DNAH14: variants seen among roughly 807,000 people sequenced by gnomAD.
DNAH14 encodes axonemal beta dynein heavy chain 14.
In DNAH14, 478 loss-of-function variants were observed where a neutral mutation model predicts 520.9. That is an observed-to-expected ratio of 0.92 (90% confidence interval 0.85 to 0.99). The LOEUF is 0.99. DNAH14 is among the 50% of genes least tolerant of loss of function. The pLI is 0.00. For synonymous variants in DNAH14, 1,581 were observed against 1,757.2 expected, an observed-to-expected ratio of 0.90 and a Z score of 2.51; for missense variants, 4,831 against 5,234.5, an observed-to-expected ratio of 0.92 and a Z score of 2.38.
intron 8 of DNAH14, among the ~76,000 whole-genome samples, chr1:224,977,176 A>T (rs1305845565): frequency 6.6e-6 from 1 of 152,192 alleles, no homozygotes; most frequent in African/African-American, 2.4e-5. Context: ...GGATGAGTTC[A>T]TGTCCTTTGT....
Position 225,050,237 on chromosome 1 carries a change from C to G in DNAH14, c.1940C>G (p.Pro647Arg). The change falls in exon 16 of 86, where the codon CCC becomes CGC. Residue 647 changes from proline to arginine, a missense_variant. Pro to Arg is a moderately radical substitution (Grantham distance 103). Transcript: ENST00000682510. Reference protein sequence around the residue: ...ITTITPLCQDPQLSIFIDLVS... With the variant: ...ITTITPLCQDRQLSIFIDLVS... ...ACAATTACTCCTCTTTGCCAAGATC[C>G]CCAGCTGTCTATCTTCATTGATTTG... 6.5e-7 allele frequency: 1 copy of G among 1,543,184 alleles called. No homozygotes were observed. The highest frequency in any genetic ancestry group is 1.2e-5 in the South Asian group (1 of 80,966).
At chr1:225,195,584 C>T (rs1216081067) in intron 38 of DNAH14, among the ~76,000 whole-genome samples, 3 of 150,970 alleles carry the variant, frequency 2.0e-5, no homozygotes, top group African/African-American at 7.3e-5. Context: ...AATCTGTATA[C>T]CAAACCCCCG....
intron 41 of DNAH14, among the ~76,000 whole-genome samples, chr1:225,224,213 A>C (rs932686591): frequency 6.6e-6 from 1 of 151,626 alleles, no homozygotes; most frequent in Non-Finnish European, 1.5e-5. Flanking sequence ...ACAGCCCTAG[A>C]CTCTCCCACA....
chr1:224,980,921 A>G (rs2062220697), intron 8 of DNAH14, among the ~76,000 whole-genome samples: 2 of 152,208 alleles, frequency 1.3e-5, no homozygotes, highest in Non-Finnish European at 2.9e-5. Context: ...GCAAACCACC[A>G]TGGCACGTGT....
chr1:225,327,052 G>T (rs1421209786), intron 64 of DNAH14, among the ~76,000 whole-genome samples: 2 of 152,028 alleles, frequency 1.3e-5, no homozygotes, highest in Non-Finnish European at 2.9e-5. Flanking sequence ...TATTCTCCAG[G>T]GTAGACCATA....
intron 8 of DNAH14, among the ~76,000 whole-genome samples, chr1:224,977,811 C>G (rs887883380): frequency 1.2e-4 from 19 of 152,038 alleles, no homozygotes; most frequent in Admixed American, 7.2e-4. Flanking sequence ...AAAGGGGACT[C>G]AAACAACAGT....
At chr1:224,932,875 C>CT (rs1401816205) in intron 1 of DNAH14, among the ~76,000 whole-genome samples, 1 of 152,072 alleles carries the variant, frequency 6.6e-6, no homozygotes, top group East Asian at 1.9e-4. Flanking sequence ...ATGCCTCCAA[C>CT]TTTGTTCTTT....
chr1:225,264,337 T>C, intron 47 of DNAH14, 76 bp downstream of exon 47: 2 of 1,128,750 alleles, frequency 1.8e-6, no homozygotes, highest in Non-Finnish European at 2.5e-6. Flanking sequence ...ATTTCTTACA[T>C]TCATGGATCT....
chr1:225,289,524 AAAAAGG>A (rs1172634998), intron 54 of DNAH14, among the ~76,000 whole-genome samples: 2 of 152,166 alleles, frequency 1.3e-5, no homozygotes, highest in African/African-American at 4.8e-5. Context: ...TGCTCAAAAT[AAAAAGG>A]AAAAGATCTA....
intron 69 of DNAH14, among the ~76,000 whole-genome samples, chr1:225,342,030 G>T (rs2095193535): frequency 6.6e-6 from 1 of 151,966 alleles, no homozygotes; most frequent in South Asian, 2.1e-4. Flanking sequence ...CCGCACATCG[G>T]GCCCTGGCTT....
rs2094944560 is a variant in DNAH14, at chr1:225,335,430, T to C, written c.10081-1836T>C. Among the ~76,000 whole-genome samples the C allele has an allele frequency of 1.5e-5, 2 of 135,644 alleles. 1 individual carries two copies. Among genetic ancestry groups the C allele is most frequent in the Non-Finnish European group, 3.1e-5 (2 of 64,680 alleles). 89.0% of individuals were successfully genotyped at this position (135,644 alleles called of 152,430 possible). A position where few individuals can be genotyped will look rare whatever the true frequency, so the allele number is the denominator to read the frequency against. On this transcript the variant is annotated intron_variant, in intron 66 of 85. Coordinates refer to ENST00000682510, the MANE Select transcript of DNAH14 (RefSeq NM_001367479.1). Reference sequence around the variant, plus strand: ...GTGTGTGTATGCACATATGCACGTGTGTACATGTGTGTGTATGCACATATG... The same window carrying C: ...GTGTGTGTATGCACATATGCACGTGCGTACATGTGTGTGTATGCACATATG...
chr1:225,296,913 T>C (rs1287175285), intron 55 of DNAH14, among the ~76,000 whole-genome samples: 3 of 152,172 alleles, frequency 2.0e-5, no homozygotes, highest in Non-Finnish European at 4.4e-5. Flanking sequence ...TAGAATCTTC[T>C]CTTTGTCTTT....
At chr1:225,233,231 A>G (rs1433616726) in intron 42 of DNAH14, among the ~76,000 whole-genome samples, 2 of 152,090 alleles carry the variant, frequency 1.3e-5, no homozygotes, top group South Asian at 2.1e-4. Context: ...GGTTGATTCC[A>G]TATCTTTGCT....
At position 225,335,868 on chromosome 1, in the gene DNAH14, T is replaced by C. The variant is rs1365159383; in HGVS notation, c.10081-1398T>C. 5.1e-5 allele frequency among the ~76,000 whole-genome samples: 4 copies of C among 78,420 alleles called. 1 individual carries two copies. In the East Asian group the frequency reaches 1.9e-3, roughly 37 times the overall value. 51.4% of individuals were successfully genotyped at this position (78,420 alleles called of 152,430 possible). A position where few individuals can be genotyped will look rare whatever the true frequency, so the allele number is the denominator to read the frequency against. ...ATACACATATGTACATATATGTACA[T>C]ACACATATACATATATGTACATATA... On this transcript the variant is annotated intron_variant, in intron 66 of 85. Transcript: ENST00000682510.
intron 5 of DNAH14, among the ~76,000 whole-genome samples, chr1:224,965,064 C>G (rs1258885363): frequency 6.6e-6 from 1 of 151,966 alleles, no homozygotes; most frequent in African/African-American, 2.4e-5. Flanking sequence ...TCATTTTTTT[C>G]TTACCCATTA....
chr1:225,329,988 A>G (rs2094759488), intron 64 of DNAH14, among the ~76,000 whole-genome samples: 1 of 152,226 alleles, frequency 6.6e-6, no homozygotes, highest in African/African-American at 2.4e-5. Context: ...GAAAATGAGT[A>G]AAAGGCTTGA....
intron 55 of DNAH14, among the ~76,000 whole-genome samples, chr1:225,291,584 T>G (rs1316058149): frequency 6.6e-6 from 1 of 152,072 alleles, no homozygotes; most frequent in African/African-American, 2.4e-5. Context: ...ACCCAGCTAA[T>G]TTTTTTGTAG....
chr1:224,971,095 A>G (rs1432032633), intron 7 of DNAH14, among the ~76,000 whole-genome samples: 1 of 152,182 alleles, frequency 6.6e-6, no homozygotes, highest in African/African-American at 2.4e-5. Context: ...CATGATTAAA[A>G]ATTTATCTAG....
At chr1:224,989,147 C>T (rs2062856261) in intron 8 of DNAH14, among the ~76,000 whole-genome samples, 1 of 152,078 alleles carries the variant, frequency 6.6e-6, no homozygotes, top group Non-Finnish European at 1.5e-5. Flanking sequence ...CTGGAGAGGG[C>T]AATCTGTTTT....
Sources: gnomAD v4.1 joint callset for allele counts (sites outside exome capture counted in the v4.1 genomes callset) on GRCh38, gnomAD v4.1.1 for gene constraint, MANE v1.5 for transcripts, NCBI Gene and HGNC (gene_info 2026-07-23, HGNC 2026-07-21) for gene names.